The following RIPOR2 variants were observed in gnomAD, a reference collection of about 807,000 sequenced individuals.
RIPOR2 encodes rho family-interacting cell polarization regulator 2.
In RIPOR2, 39 loss-of-function variants were observed where a neutral mutation model predicts 114.5. The ratio of observed to expected loss-of-function variants is 0.34; its 90% CI spans 0.26 to 0.44. The LOEUF (loss-of-function observed/expected upper bound fraction) is 0.44, where lower values mean the gene tolerates loss of function less well. RIPOR2 is among the 20% of genes least tolerant of loss of function. The pLI, the probability that RIPOR2 is intolerant of heterozygous loss-of-function variation, is 1.00. For missense variants in RIPOR2, 1,007 were observed against 1,255.1 expected (o/e 0.80, Z 2.99); for synonymous variants, 445 against 484.4 (o/e 0.92, Z 1.07).
At chr6:24,928,867 TTC>T in intron 1 of RIPOR2, among the ~76,000 whole-genome samples, 1 of 152,252 alleles carries the variant, frequency 6.6e-6, no homozygotes. Context: ...TCCGAGTGTG[TTC>T]TCTCTTCCTC....
intron 1 of RIPOR2, among the ~76,000 whole-genome samples, chr6:25,025,416 G>A (rs1468204084): frequency 6.6e-6 from 1 of 152,090 alleles, no homozygotes; most frequent in East Asian, 1.9e-4. Flanking sequence ...CCAGAGCTAG[G>A]GGAATGCTGG....
intron 1 of RIPOR2, among the ~76,000 whole-genome samples, chr6:24,943,526 A>G (rs1772249069): frequency 6.6e-6 from 1 of 152,216 alleles, no homozygotes; most frequent in Non-Finnish European, 1.5e-5. Context: ...CCATAAAAGC[A>G]ATAAGAAACT....
intron 1 of RIPOR2, among the ~76,000 whole-genome samples, chr6:24,909,988 T>G (rs1292622412): frequency 6.6e-6 from 1 of 152,104 alleles, no homozygotes; most frequent in African/African-American, 2.4e-5. Context: ...TGACTTCTGC[T>G]TATCTAATTT....
At chr6:24,926,903 T>C (rs1297460784) in intron 1 of RIPOR2, among the ~76,000 whole-genome samples, 1 of 151,214 alleles carries the variant, frequency 6.6e-6, no homozygotes, top group African/African-American at 2.4e-5. Context: ...ACCATTACCA[T>C]CATCACCACC....
chr6:24,847,072 C>T (rs569241818), intron 12 of RIPOR2, among the ~76,000 whole-genome samples: 9 of 152,298 alleles, frequency 5.9e-5, no homozygotes, highest in African/African-American at 2.2e-4. Context: ...TCACCTCAGC[C>T]TCCCAAGTAG....
At chr6:24,904,448 C>T (rs2747677) in intron 1 of RIPOR2, among the ~76,000 whole-genome samples, 77,256 of 152,066 alleles carry the variant, frequency 0.51, 22,739 homozygotes, top group African/African-American at 0.82. Flanking sequence ...AGGTTCTCTG[C>T]TTTTAAGGAC....
In RIPOR2 at chr6:24,806,192, A is replaced by G. The variant is rs1780758844; in HGVS notation, c.*181T>C. The G allele has an allele frequency of 1.5e-5, 9 of 593,330 alleles. No individual in the cohort carries two copies. The highest frequency in any genetic ancestry group is 1.5e-4 in the South Asian group (7 of 47,184). 36.8% of individuals were successfully genotyped at this position (593,330 alleles called of 1,614,324 possible). The stretch of plus-strand genomic sequence containing the variant: ...GTCTTGAACCTCCTGGGCTTAAGCA[A>G]TTCTCCTGCGTTGGCCTCCCAAAGT... On this transcript the variant is annotated 3_prime_UTR_variant, in exon 22 of 22. Transcript: ENST00000643898.
intron 3 of RIPOR2, 133 bp downstream of exon 3, chr6:24,873,511 C>T (rs1047049292): frequency 3.5e-5 from 27 of 766,730 alleles, no homozygotes; most frequent in Middle Eastern, 2.7e-4. Context: ...TTATGTCAGG[C>T]TTCCCTAATT....
rs572686113 is a variant in RIPOR2 at position 24,822,742 on chromosome 6, A to G, written c.2868+2484T>C. On this transcript the variant is annotated intron_variant, in intron 19 of 21. Coordinates refer to ENST00000643898, the MANE Select transcript of RIPOR2 (RefSeq NM_001286445.3). Reference sequence around the variant, plus strand: ...ACTATATTGGCCAGGCTGGTCTCGAAGTCCTGGCCTCAGGTGATCCACCCG... The same window carrying G: ...ACTATATTGGCCAGGCTGGTCTCGAGGTCCTGGCCTCAGGTGATCCACCCG... Among the ~76,000 whole-genome samples, 20 of 152,330 alleles carry G rather than the reference A, an allele frequency of 1.3e-4. No homozygotes were observed. The South Asian group carries it at 4.1e-3, about 32-fold the overall frequency.
chr6:24,879,102 G>GGCCGAGGCAGGT (rs1428947089), intron 1 of RIPOR2, among the ~76,000 whole-genome samples: 2 of 139,170 alleles, frequency 1.4e-5, no homozygotes, highest in Non-Finnish European at 3.1e-5. Flanking sequence ...CACTTTGGGA[G>GGCCGAGGCAGGT]GCCGAGGCAG....
intron 21 of RIPOR2, among the ~76,000 whole-genome samples, chr6:24,808,376 C>T (rs988665999): frequency 5.9e-5 from 9 of 152,188 alleles, no homozygotes; most frequent in African/African-American, 2.2e-4. Context: ...GGAGTTTAAA[C>T]TAATAATACC....
chr6:24,942,049 A>G (rs760817894), intron 1 of RIPOR2, among the ~76,000 whole-genome samples: 9 of 152,216 alleles, frequency 5.9e-5, no homozygotes, highest in South Asian at 2.1e-4. Context: ...AGATGAGAAG[A>G]TATAACTTTC....
chr6:24,884,634 G>A (rs932228692), intron 1 of RIPOR2, among the ~76,000 whole-genome samples: 1 of 152,142 alleles, frequency 6.6e-6, no homozygotes, highest in Non-Finnish European at 1.5e-5. Context: ...TGTTCTAACT[G>A]GCCTTTTGGG....
At chr6:24,929,910 CA>C (rs34200130) in intron 1 of RIPOR2, among the ~76,000 whole-genome samples, 4,149 of 151,850 alleles carry the variant, frequency 0.027, 81 homozygotes, top group East Asian at 0.11. Flanking sequence ...GCTGGCTTTA[CA>C]AAAAAAATTA....
At chr6:24,940,201 C>G (rs1050369735), upstream of RIPOR2, among the ~76,000 whole-genome samples, 1 of 151,812 alleles carries the variant, frequency 6.6e-6, no homozygotes, top group Non-Finnish European at 1.5e-5. Context: ...AATATTTCTG[C>G]ATAGTTTGCT....
chr6:24,900,821 G>GTGT (rs1009848792), intron 1 of RIPOR2, among the ~76,000 whole-genome samples: 4 of 152,156 alleles, frequency 2.6e-5, no homozygotes, highest in South Asian at 2.1e-4. Context: ...TTGCATTTAT[G>GTGT]TGTTGTTGTT....
chr6:25,015,915 T>TG, intron 1 of RIPOR2: 1 of 129,900 alleles, frequency 7.7e-6, no homozygotes, highest in African/African-American at 2.9e-5. Context: ...TTTTTTTTTT[T>TG]TTTTTTTTTA....
rs567004935 is a variant in RIPOR2, at chr6:25,017,110, C to T, written c.76+24741G>A. 2.6e-4 allele frequency among the ~76,000 whole-genome samples: 39 copies of T among 152,288 alleles called. 3 individuals carry two copies. The South Asian group carries it at 7.3e-3, about 28-fold the overall frequency. On this transcript the variant is annotated intron_variant, in intron 1 of 13. Coordinates refer to the RIPOR2 transcript ENST00000510784. ...ATCCCAGCACTTTGGGAGGCTGAGA[C>T]GGGTGGATCACCTGAGGTCAGGAGT...
chr6:24,985,247 A>G (rs1197185170), intron 1 of RIPOR2, among the ~76,000 whole-genome samples: 1 of 152,176 alleles, frequency 6.6e-6, no homozygotes, highest in Non-Finnish European at 1.5e-5. Flanking sequence ...GGGGCCAGTT[A>G]CTGCTTGGAG....
Sources: gnomAD v4.1 joint callset for allele counts (sites outside exome capture counted in the v4.1 genomes callset) on GRCh38, gnomAD v4.1.1 for gene constraint, MANE v1.5 for transcripts, NCBI Gene and HGNC (gene_info 2026-07-23, HGNC 2026-07-21) for gene names.